Variants in ST3GAL3 observed in about 807,000 individuals in gnomAD.
ST3GAL3 encodes CMP-N-acetylneuraminate-beta-1,4-galactoside alpha-2,3-sialyltransferase.
In ST3GAL3, 21 loss-of-function variants were observed where a neutral mutation model predicts 50.1. That is an observed-to-expected ratio of 0.42 (90% CI 0.30 to 0.60). ST3GAL3 has a LOEUF of 0.60. Ranked by LOEUF, ST3GAL3 falls within the 20% of genes least tolerant of loss-of-function variation. The probability of loss-of-function intolerance (pLI) is 0.19; values close to 1 mark genes in which losing one functional copy is unlikely to be tolerated. For missense variants in ST3GAL3, 353 were observed against 489.4 expected, an observed-to-expected ratio of 0.72 and a Z score of 2.63; for synonymous variants, 183 against 190.0, an observed-to-expected ratio of 0.96 and a Z score of 0.30.
chr1:43,881,753 C>T (rs948317988), intron 5 of ST3GAL3, among the ~76,000 whole-genome samples: 5 of 144,160 alleles, frequency 3.5e-5, no homozygotes, highest in African/African-American at 1.3e-4. Flanking sequence ...CCTAGGCAGG[C>T]GGGGTGGGGG....
intron 4 of ST3GAL3, 131 bp from the exon 5 acceptor site, chr1:43,838,088 C>T: frequency 3.3e-6 from 2 of 613,394 alleles, no homozygotes; most frequent in Non-Finnish European, 2.7e-6. Context: ...GCACTCCAGC[C>T]TGGGCAACAG....
intron 5 of ST3GAL3, among the ~76,000 whole-genome samples, chr1:43,881,624 G>T (rs1008724047): frequency 1.3e-5 from 2 of 152,202 alleles, no homozygotes; most frequent in Non-Finnish European, 2.9e-5. Flanking sequence ...CCCAGGCACT[G>T]CCCCCTTGAG....
chr1:43,776,741 A>G (rs1432419234), intron 2 of ST3GAL3, among the ~76,000 whole-genome samples: 6 of 152,174 alleles, frequency 3.9e-5, no homozygotes, highest in African/African-American at 1.4e-4. Flanking sequence ...CTTAATACTT[A>G]TAATGATCAA....
intron 5 of ST3GAL3, among the ~76,000 whole-genome samples, chr1:43,852,753 A>G (rs2067573246): frequency 6.6e-6 from 1 of 152,268 alleles, no homozygotes; most frequent in African/African-American, 2.4e-5. Context: ...GAAAGTTCTC[A>G]CAGCTTTCTC....
At chr1:43,729,630 G>T (rs893740264) in intron 1 of ST3GAL3, among the ~76,000 whole-genome samples, 1 of 152,084 alleles carries the variant, frequency 6.6e-6, no homozygotes, top group Non-Finnish European at 1.5e-5. Context: ...TCTCCCTAAA[G>T]CCTACTGGTT....
chr1:43,923,417 C>T (rs2083396268), intron 11 of ST3GAL3, among the ~76,000 whole-genome samples: 1 of 152,176 alleles, frequency 6.6e-6, no homozygotes, highest in African/African-American at 2.4e-5. Context: ...CCCCTTCAGA[C>T]TGCTATAACA....
intron 3 of ST3GAL3, among the ~76,000 whole-genome samples, chr1:43,807,867 G>A (rs535795800): frequency 1.3e-5 from 2 of 152,310 alleles, no homozygotes; most frequent in South Asian, 4.1e-4. Flanking sequence ...GAAGAGTGGT[G>A]TTGTTCGTTA....
At chr1:43,841,027 T>G (rs921540473) in intron 5 of ST3GAL3, 1 of 152,278 alleles carries the variant, frequency 6.6e-6, no homozygotes, top group African/African-American at 2.4e-5. Context: ...TCCAAAATTA[T>G]CTCTTTTGAC....
chr1:43,756,077 G>C (rs1687923788), intron 2 of ST3GAL3, among the ~76,000 whole-genome samples: 1 of 110,164 alleles, frequency 9.1e-6, no homozygotes, highest in South Asian at 3.1e-4. Flanking sequence ...CTCTAACCTG[G>C]TAGACAGAGT....
At chr1:43,744,824 C>A (rs576566227) in intron 2 of ST3GAL3, among the ~76,000 whole-genome samples, 1 of 151,066 alleles carries the variant, frequency 6.6e-6, no homozygotes, top group East Asian at 2.0e-4. Context: ...CCCATCTCTA[C>A]TAATAATAAT....
At position 43,737,440 on chromosome 1, in the gene ST3GAL3, A is replaced by G. The variant is rs1004961941; in HGVS notation, c.118+1060A>G. 3.9e-5 allele frequency: 6 copies of G among 152,212 alleles called. No individual in the cohort carries two copies. Among genetic ancestry groups the G allele is most frequent in the South Asian group, 4.1e-4 (2 of 4,836 alleles). The allele number at this position is 152,212 out of a possible 1,614,324, so 9.4% of individuals were successfully genotyped here. A position where few individuals can be genotyped will look rare whatever the true frequency, so the allele number is the denominator to read the frequency against. Reference sequence around the variant, plus strand: ...AGCTCATTTATTTCTCCCATGGCTCAAACTACTGAGGCAGTTTCAAGCCAG... The same window carrying G: ...AGCTCATTTATTTCTCCCATGGCTCGAACTACTGAGGCAGTTTCAAGCCAG... On this transcript the variant is annotated intron_variant, in intron 2 of 11. Transcript: ENST00000347631. The surrounding 1 kb of genome is among the most constrained non-coding windows in gnomAD (Gnocchi z 4.0).
rs937487818 is a variant in ST3GAL3 at position 43,783,199 on chromosome 1, A to C, written c.119-8903A>C. Among the ~76,000 whole-genome samples the C allele has an allele frequency of 2.6e-5, 4 of 152,228 alleles. No homozygotes were observed. In the South Asian group the frequency reaches 6.2e-4, roughly 24 times the overall value. On this transcript the variant is annotated intron_variant, in intron 2 of 11. Transcript: ENST00000347631. ...ATTAGCACCATGGTGGCCTGGTTCA[A>C]ACGCATGCCTTGTCTGCTGTGCTGC...
chr1:43,856,330 G>A (rs2068368591), intron 5 of ST3GAL3, among the ~76,000 whole-genome samples: 1 of 152,120 alleles, frequency 6.6e-6, no homozygotes, highest in Non-Finnish European at 1.5e-5. Flanking sequence ...CGACAACCCC[G>A]TGAAGTAAGT....
intron 9 of ST3GAL3, among the ~76,000 whole-genome samples, chr1:43,905,190 T>C (rs377514001): frequency 0.012 from 883 of 73,454 alleles, 44 homozygotes; most frequent in African/African-American, 0.044. Context: ...TTTCTCTTCC[T>C]GCCACTCTTC....
At chr1:43,886,659 G>A (rs926383812) in intron 5 of ST3GAL3, among the ~76,000 whole-genome samples, 2 of 152,170 alleles carry the variant, frequency 1.3e-5, no homozygotes, top group Admixed American at 6.5e-5. Context: ...ATAGTGCTGC[G>A]CTGGGAGTAT....
At chr1:43,745,506 A>T (rs546017741) in intron 2 of ST3GAL3, among the ~76,000 whole-genome samples, 3 of 152,236 alleles carry the variant, frequency 2.0e-5, no homozygotes, top group Non-Finnish European at 4.4e-5. Flanking sequence ...ATAACACAAC[A>T]AAAAGAGACA....
intron 5 of ST3GAL3, chr1:43,858,093 T>G: frequency 1.6e-6 from 2 of 1,286,962 alleles, no homozygotes; most frequent in Non-Finnish European, 2.0e-6. Context: ...TTGCTCAACC[T>G]TTCTGAGCCT....
intron 3 of ST3GAL3, among the ~76,000 whole-genome samples, chr1:43,806,096 G>A (rs1011286130): frequency 1.3e-5 from 2 of 152,148 alleles, no homozygotes; most frequent in African/African-American, 4.8e-5. Flanking sequence ...GGAATTAACC[G>A]AATAAAGAGG....
intron 2 of ST3GAL3, 193 bp downstream of exon 2, chr1:43,736,573 T>C (rs1315550118): frequency 2.1e-6 from 2 of 931,944 alleles, no homozygotes; most frequent in African/African-American, 3.3e-5. Context: ...TTTTAAAAAC[T>C]GCATGCCATG....
Sources: gnomAD v4.1 joint callset for allele counts (sites outside exome capture counted in the v4.1 genomes callset) on GRCh38, gnomAD v4.1.1 for gene constraint, Gnocchi (gnomAD v3.1) non-coding constraint, MANE v1.5 for transcripts, NCBI Gene and HGNC (gene_info 2026-07-23, HGNC 2026-07-21) for gene names.